Variants in SENP7 observed in about 807,000 individuals in gnomAD.
SENP7 encodes sentrin-specific protease 7.
A neutral mutation model predicts 141.2 loss-of-function variants in SENP7; 64 were observed. The observed-to-expected ratio is 0.45, with a 90% CI of 0.37 to 0.56. The LOEUF is 0.56. Among genes scored for constraint, SENP7 ranks in the 20% least tolerant of loss-of-function variants. SENP7 has a pLI of 0.00. For missense variants in SENP7, 1,025 were observed against 1,212.2 expected (o/e 0.85, Z 2.29); for synonymous variants, 382 against 426.4 (o/e 0.90, Z 1.28).
intron 3 of SENP7, among the ~76,000 whole-genome samples, chr3:101,461,910 A>G (rs1470871343): frequency 6.6e-6 from 1 of 152,222 alleles, no homozygotes; most frequent in Non-Finnish European, 1.5e-5. Flanking sequence ...CATAGACACA[A>G]AAGATCATAT....
intron 5 of SENP7, among the ~76,000 whole-genome samples, chr3:101,409,557 A>G (rs2873537): frequency 0.4 from 60,368 of 152,084 alleles, 12,499 homozygotes; most frequent in Admixed American, 0.54. Flanking sequence ...AAAGTCACCA[A>G]AACAGCATGG....
rs754484423 is a variant in SENP7 at position 101,337,621 on chromosome 3, A to G, written c.2368T>C (p.Leu790=). The change falls in exon 17 of 24, where the codon TTG becomes CTG. Residue 790 remains leucine (L), a synonymous_variant. Transcript: ENST00000394095. ...IIDFYLKYLI[L]EKASDELVER... is the part of the protein sequence containing the mutation. ...ACAAGTTCATCTGATGCCTTCTCCA[A>G]TATAAGATACCTGTAAAGTAGTAAC... 1.0e-5 allele frequency: 16 copies of G among 1,600,792 alleles called. No homozygotes were observed. Among genetic ancestry groups the G allele is most frequent in the Non-Finnish European group, 1.4e-5 (16 of 1,174,816 alleles).
chr3:101,507,113 C>A (rs1653411976), intron 1 of SENP7, among the ~76,000 whole-genome samples: 2 of 150,158 alleles, frequency 1.3e-5, no homozygotes, highest in Admixed American at 6.6e-5. Flanking sequence ...TTTAGACAGG[C>A]AGAAATGGGT....
At chr3:101,359,867 T>C (rs1440970305) in intron 11 of SENP7, among the ~76,000 whole-genome samples, 1 of 151,958 alleles carries the variant, frequency 6.6e-6, no homozygotes, top group Non-Finnish European at 1.5e-5. Context: ...TTTTGCTTGA[T>C]CTTGGTTTTT....
intron 1 of SENP7, among the ~76,000 whole-genome samples, chr3:101,512,316 G>A (rs989082487): frequency 6.6e-6 from 1 of 152,166 alleles, no homozygotes; most frequent in Non-Finnish European, 1.5e-5. Context: ...TGAAATGTTT[G>A]ATAAAAACTT....
At chr3:101,476,331 T>C (rs1168083990) in intron 3 of SENP7, among the ~76,000 whole-genome samples, 1 of 151,962 alleles carries the variant, frequency 6.6e-6, no homozygotes, top group Non-Finnish European at 1.5e-5. Context: ...CTCCCACTTA[T>C]GAGTGAGAAC....
chr3:101,414,591 G>C, intron 5 of SENP7: 1 of 1,605,332 alleles, frequency 6.2e-7, no homozygotes, highest in Non-Finnish European at 8.5e-7. Context: ...TCCCAACTAT[G>C]ACCAAGAAGA....
At chr3:101,451,563 C>T (rs908328500) in intron 4 of SENP7, among the ~76,000 whole-genome samples, 8 of 152,206 alleles carry the variant, frequency 5.3e-5, no homozygotes, top group South Asian at 2.1e-4. Context: ...ATTCAACATA[C>T]GAAAATCAAT....
rs1248031321 is a variant in SENP7 at position 101,469,793 on chromosome 3, C to T, written c.187-10741G>A. On this transcript the variant is annotated intron_variant, in intron 3 of 23. Transcript: ENST00000394095. Reference sequence around the variant, plus strand: ...GAGCCGAGATTGCGCCACTGCAGTCCGTAGTCCGGCCTGGGCGACAGAGCA... The same window carrying T: ...GAGCCGAGATTGCGCCACTGCAGTCTGTAGTCCGGCCTGGGCGACAGAGCA... Among the ~76,000 whole-genome samples the T allele has an allele frequency of 2.4e-5, 2 of 84,526 alleles. 1 individual carries two copies. Among genetic ancestry groups the T allele is most frequent in the South Asian group, 8.7e-4 (2 of 2,286 alleles). The allele number at this position is 84,526 out of a possible 152,430, so 55.5% of individuals were successfully genotyped here.
rs777472958 is a variant in SENP7 at position 101,341,722 on chromosome 3, C to T, written c.2164G>A (p.Gly722Ser). ...GATGTAATAGAAAGGGAGTAGCAAC[C>T]GCTACTTTGCTTCTGCAGGAAGGTG... ...TYTFLQKQSS[G>S]CYSLSITSNP... The change falls in exon 15 of 24, where the codon GGT becomes AGT. Residue 722 changes from glycine (G) to serine (S), a missense_variant. Gly to Ser is a moderately conservative substitution (Grantham distance 56, BLOSUM62 0). This residue lies in a region of SENP7 where 295 missense variants were observed against 459.1 expected (regional missense o/e 0.64). Coordinates refer to ENST00000394095, the MANE Select transcript of SENP7 (RefSeq NM_020654.5). 8.1e-6 allele frequency: 13 copies of T among 1,611,160 alleles called. No homozygotes were observed. Among genetic ancestry groups the T allele is most frequent in the South Asian group, 4.4e-5 (4 of 90,758 alleles).
rs79728780 is a variant in SENP7, at chr3:101,491,274, G to T, written c.186+2599C>A. Among the ~76,000 whole-genome samples, 1,471 of 149,990 alleles carry T rather than the reference G, an allele frequency of 9.8e-3. 26 individuals are homozygous for T. Among genetic ancestry groups the T allele is most frequent in the African/African-American group, 0.034 (1,391 of 40,752 alleles). The stretch of plus-strand genomic sequence containing the variant: ...AGTAGCTGGAACTACAGGTGCACAA[G>T]ACCACGCCTAGCTTATTTTTTAATT... On this transcript the variant is annotated intron_variant, in intron 3 of 23. Transcript: ENST00000394095.
chr3:101,486,512 C>G (rs578174549), intron 3 of SENP7, among the ~76,000 whole-genome samples: 3 of 152,252 alleles, frequency 2.0e-5, no homozygotes, highest in Middle Eastern at 3.4e-3. Flanking sequence ...AAGTAAGTAT[C>G]ATTTATGAAG....
intron 4 of SENP7, among the ~76,000 whole-genome samples, chr3:101,441,214 T>G (rs946507718): frequency 1.3e-5 from 2 of 152,248 alleles, no homozygotes; most frequent in Non-Finnish European, 2.9e-5. Context: ...TCCAGAAGCA[T>G]GAGTACTGGC....
At chr3:101,496,578 C>CAT (rs1553757169) in intron 2 of SENP7, among the ~76,000 whole-genome samples, 1 of 133,274 alleles carries the variant, frequency 7.5e-6, no homozygotes, top group East Asian at 2.2e-4. Flanking sequence ...ACTTCAAACA[C>CAT]TTTTTTTTTT....
At chr3:101,376,295 T>TAG (rs1467389622) in intron 6 of SENP7, among the ~76,000 whole-genome samples, 1 of 152,096 alleles carries the variant, frequency 6.6e-6, no homozygotes, top group Non-Finnish European at 1.5e-5. Flanking sequence ...GCTGCACAAA[T>TAG]ATGTGACTGT....
chr3:101,396,604 T>A (rs2060974781), intron 6 of SENP7, among the ~76,000 whole-genome samples: 2 of 152,116 alleles, frequency 1.3e-5, no homozygotes, highest in African/African-American at 2.4e-5. Flanking sequence ...TTTTGTGAGG[T>A]ACATAGGGCA....
intron 11 of SENP7, chr3:101,358,912 G>C (rs1166069474): frequency 6.5e-6 from 1 of 152,840 alleles, no homozygotes; most frequent in Non-Finnish European, 1.5e-5. Flanking sequence ...TGGGATTACA[G>C]GCATGAGCCA....
chr3:101,477,533 GA>G (rs2064269361), intron 3 of SENP7, among the ~76,000 whole-genome samples: 1 of 151,958 alleles, frequency 6.6e-6, no homozygotes, highest in South Asian at 2.1e-4. Flanking sequence ...GAAAAAAATA[GA>G]AAAGTCAGAA....
At chr3:101,333,680 C>A (rs2059114083) in intron 17 of SENP7, among the ~76,000 whole-genome samples, 1 of 152,200 alleles carries the variant, frequency 6.6e-6, no homozygotes, top group African/African-American at 2.4e-5. Flanking sequence ...ACCTACCACT[C>A]ATCCATCTTT....
Sources: allele counts gnomAD v4.1 joint callset (sites outside exome capture counted in the v4.1 genomes callset), GRCh38; gene constraint gnomAD v4.1.1; regional missense constraint gnomAD v4.1.1; transcripts MANE v1.5; gene names NCBI Gene and HGNC (gene_info 2026-07-23, HGNC 2026-07-21).